Variants in MECOM observed in about 807,000 individuals in gnomAD.
The protein encoded by MECOM is MDS1 and EVI1 complex locus.
MECOM carries 13 observed loss-of-function variants against 116.3 expected under a neutral mutation model. That is an observed-to-expected ratio of 0.11 (90% CI 0.07 to 0.18). The LOEUF is 0.18. Among genes scored for constraint, MECOM ranks in the 10% least tolerant of loss-of-function variants. The pLI is 1.00. For missense variants in MECOM, 1,299 were observed against 1,509.0 expected, an observed-to-expected ratio of 0.86 and a Z score of 2.31; for synonymous variants, 528 against 535.2, an observed-to-expected ratio of 0.99 and a Z score of 0.19.
At chr3:169,233,322 A>G (rs1215016069) in intron 2 of MECOM, among the ~76,000 whole-genome samples, 1 of 152,126 alleles carries the variant, frequency 6.6e-6, no homozygotes, top group Non-Finnish European at 1.5e-5. Flanking sequence ...GTCATGCGGT[A>G]TCAGAAATGT....
In MECOM at chr3:169,554,181, G is replaced by A. The variant is rs534091576; in HGVS notation, c.37+109155C>T. ...ATCTGCTGGCAGGATATTGACCCCCGTGATGATGTTAGAAGCCTCATGGTA... is the reference window on the plus strand; with the variant it reads ...ATCTGCTGGCAGGATATTGACCCCCATGATGATGTTAGAAGCCTCATGGTA... On this transcript the variant is annotated intron_variant, in intron 1 of 16. Coordinates refer to ENST00000651503, the MANE Select transcript of MECOM (RefSeq NM_004991.4). Among the ~76,000 whole-genome samples, 104 of 152,252 alleles carry A rather than the reference G, an allele frequency of 6.8e-4. 1 individual carries two copies. The highest frequency in any genetic ancestry group is 2.3e-3 in the African/African-American group (96 of 41,534).
chr3:169,420,435 A>G (rs1739511985), intron 1 of MECOM, among the ~76,000 whole-genome samples: 1 of 152,176 alleles, frequency 6.6e-6, no homozygotes, highest in South Asian at 2.1e-4. Context: ...TTCAATACCA[A>G]GAACCCATGG....
intron 11 of MECOM, among the ~76,000 whole-genome samples, chr3:169,101,762 ATAAT>A (rs1723620816): frequency 6.6e-6 from 1 of 152,204 alleles, no homozygotes. Context: ...TTAGATGAAA[ATAAT>A]TAATTGTGAA....
intron 1 of MECOM, among the ~76,000 whole-genome samples, chr3:169,431,820 G>A (rs1237547230): frequency 6.6e-6 from 1 of 152,164 alleles, no homozygotes; most frequent in Non-Finnish European, 1.5e-5. Context: ...TAAATGAGGT[G>A]TAAGGCAACA....
chr3:169,174,850 C>T (rs920550824), intron 2 of MECOM, among the ~76,000 whole-genome samples: 1 of 152,140 alleles, frequency 6.6e-6, no homozygotes, highest in Non-Finnish European at 1.5e-5. Flanking sequence ...ACTCAAATGA[C>T]CACTGCTACT....
At chr3:169,554,359 A>G (rs1218666623) in intron 1 of MECOM, among the ~76,000 whole-genome samples, 1 of 152,100 alleles carries the variant, frequency 6.6e-6, no homozygotes, top group Non-Finnish European at 1.5e-5. Context: ...AAACAACATC[A>G]CTTCAATTAT....
chr3:169,095,022 T>C, intron 13 of MECOM, 54 bp downstream of exon 13: 4 of 1,417,276 alleles, frequency 2.8e-6, no homozygotes, highest in Non-Finnish European at 3.7e-6. Context: ...CTTATTATCT[T>C]TTAAAACACG....
rs1296427053 is a variant in MECOM at position 169,663,479 on chromosome 3, T to C, written c.-107A>G. ...GCTCCCTCCCTCTCTCTCCTGTCTC[T>C]CTCTCTCTCTCTCTCTCTCTCTCTC... On this transcript the variant is annotated 5_prime_UTR_variant, in exon 1 of 17. Coordinates refer to ENST00000651503, the MANE Select transcript of MECOM (RefSeq NM_004991.4). 23 of 38,744 alleles carry C rather than the reference T, an allele frequency of 5.9e-4. No individual in the cohort carries two copies. The highest frequency in any genetic ancestry group is 8.8e-4 in the Non-Finnish European group (18 of 20,478). The allele number at this position is 38,744 out of a possible 1,614,324, so 2.4% of individuals were successfully genotyped here. A position where few individuals can be genotyped will look rare whatever the true frequency, so the allele number is the denominator to read the frequency against.
At chr3:169,134,366 T>TC (rs766080194) in intron 3 of MECOM, among the ~76,000 whole-genome samples, 169 of 151,872 alleles carry the variant, frequency 1.1e-3, no homozygotes, top group Middle Eastern at 3.4e-3. Flanking sequence ...CACGGAAGAG[T>TC]GTTGATGTTG....
intron 1 of MECOM, among the ~76,000 whole-genome samples, chr3:169,439,619 A>G (rs1231435391): frequency 6.6e-6 from 1 of 152,170 alleles, no homozygotes; most frequent in Non-Finnish European, 1.5e-5. Flanking sequence ...TGAAGAATGC[A>G]GAAACTCTTG....
chr3:169,110,445 AAG>A (rs10584358), intron 9 of MECOM, among the ~76,000 whole-genome samples: 38,302 of 151,970 alleles, frequency 0.25, 5,048 homozygotes, highest in Non-Finnish European at 0.28. Context: ...GACTTGATGA[AAG>A]AGGAAGAGGG....
At chr3:169,360,546 G>T (rs1728126983) in intron 2 of MECOM, among the ~76,000 whole-genome samples, 1 of 151,516 alleles carries the variant, frequency 6.6e-6, no homozygotes, top group Admixed American at 6.6e-5. Flanking sequence ...ACAAATGACT[G>T]TACAAAAAGA....
chr3:169,213,460 T>C (rs1375836661), intron 2 of MECOM, among the ~76,000 whole-genome samples: 1 of 152,186 alleles, frequency 6.6e-6, no homozygotes, highest in Non-Finnish European at 1.5e-5. Context: ...ATGTGAAATA[T>C]TCAACTTTTT....
intron 1 of MECOM, among the ~76,000 whole-genome samples, chr3:169,596,956 G>C (rs996748799): frequency 3.3e-5 from 5 of 152,150 alleles, no homozygotes; most frequent in African/African-American, 4.8e-5. Flanking sequence ...GGTTTAAAAA[G>C]AAAAAGTTTC....
rs976638363 is a variant in MECOM at position 169,483,619 on chromosome 3, G to T, written c.38-102095C>A. The T allele has an allele frequency of 6.2e-6, 8 of 1,284,186 alleles. No homozygotes were observed. The African/African-American group carries it at 6.2e-5, about 10-fold the overall frequency. The allele number at this position is 1,284,186 out of a possible 1,614,324, so 79.5% of individuals were successfully genotyped here. ...GATACAAGGATAAACCACCATTTTG[G>T]TTCCCAAGTTTTATTCAAGAACTCA... On this transcript the variant is annotated intron_variant, in intron 1 of 16. Transcript: ENST00000651503.
chr3:169,238,440 T>G (rs928704478), intron 2 of MECOM, among the ~76,000 whole-genome samples: 1 of 151,810 alleles, frequency 6.6e-6, no homozygotes, highest in African/African-American at 2.4e-5. Context: ...AAGTTTGATG[T>G]TTTGCTACCT....
intron 1 of MECOM, among the ~76,000 whole-genome samples, chr3:169,638,130 A>G (rs1342072815): frequency 6.6e-6 from 1 of 152,206 alleles, no homozygotes; most frequent in Non-Finnish European, 1.5e-5. Flanking sequence ...TATGTAGTAG[A>G]TAATTGTAGT....
chr3:169,267,515 T>G (rs1432150366), intron 2 of MECOM, among the ~76,000 whole-genome samples: 2 of 152,110 alleles, frequency 1.3e-5, no homozygotes, highest in African/African-American at 4.8e-5. Flanking sequence ...CTAGCTTTAT[T>G]TAAGAAAGGG....
At chr3:169,578,962 A>T (rs1294631639) in intron 1 of MECOM, among the ~76,000 whole-genome samples, 1 of 152,214 alleles carries the variant, frequency 6.6e-6, no homozygotes, top group East Asian at 1.9e-4. Context: ...AAGTGTTGAA[A>T]GCTAGGGCAA....
Sources: allele counts gnomAD v4.1 joint callset (sites outside exome capture counted in the v4.1 genomes callset), GRCh38; gene constraint gnomAD v4.1.1; transcripts MANE v1.5; gene names NCBI Gene and HGNC (gene_info 2026-07-23, HGNC 2026-07-21).